ORC1: variants seen among roughly 807,000 people sequenced by gnomAD.
The protein encoded by ORC1 is origin recognition complex, subunit 1 homolog.
A neutral mutation model predicts 98.9 loss-of-function variants in ORC1; 61 were observed. The observed-to-expected ratio is 0.62, with a 90% CI of 0.50 to 0.76. The LOEUF (loss-of-function observed/expected upper bound fraction) is 0.76. Ranked by LOEUF, ORC1 falls within the 30% of genes least tolerant of loss-of-function variation. The pLI, the probability that ORC1 is intolerant of heterozygous loss-of-function variation, is 0.00. For missense variants in ORC1, 979 were observed against 1,072.2 expected (o/e 0.91, Z 1.21); for synonymous variants, 385 against 406.9 (o/e 0.95, Z 0.65).
upstream of ORC1, among the ~76,000 whole-genome samples, chr1:52,407,311 T>C (rs1463492828): frequency 1.3e-5 from 2 of 152,068 alleles, no homozygotes; most frequent in Admixed American, 1.3e-4. Context: ...CCACCGCCCC[T>C]GGCTGGAACG....
chr1:52,387,056 G>C (rs1050567983), intron 8 of ORC1, among the ~76,000 whole-genome samples: 3 of 152,154 alleles, frequency 2.0e-5, no homozygotes, highest in Non-Finnish European at 4.4e-5. Context: ...ATGGGCTTCT[G>C]CCCTTTTTTA....
chr1:52,401,510 A>C, intron 2 of ORC1, 21 bp from the exon 3 acceptor site: 2 of 1,613,492 alleles, frequency 1.2e-6, no homozygotes, highest in Non-Finnish European at 1.7e-6. Context: ...ACAGAGAAGC[A>C]CATTAGGAAA....
intron 1 of ORC1, 34 bp from the exon 2 acceptor site, chr1:52,402,262 T>G (rs746522468): frequency 2.7e-6 from 4 of 1,490,762 alleles, no homozygotes; most frequent in African/African-American, 1.4e-5. Flanking sequence ...GTTACCATGA[T>G]AAATATTTGG....
chr1:52,395,057 T>C (rs1647332206), intron 5 of ORC1, among the ~76,000 whole-genome samples: 1 of 152,150 alleles, frequency 6.6e-6, no homozygotes, highest in African/African-American at 2.4e-5. Flanking sequence ...TACTGTACTA[T>C]AGAGCTATCA....
upstream of ORC1, chr1:52,404,907 C>T (rs1368255711): frequency 1.6e-5 from 25 of 1,611,102 alleles, no homozygotes; most frequent in Non-Finnish European, 2.0e-5. Flanking sequence ...GAGCGCCTCT[C>T]AGCCCCCTTG....
At position 52,375,409 on chromosome 1, in the gene ORC1, T is replaced by C. The variant is rs768474906; in HGVS notation, c.2303+21A>G. 7.4e-6 allele frequency: 12 copies of C among 1,612,334 alleles called. No individual in the cohort carries two copies. The South Asian group carries it at 1.3e-4, about 18-fold the overall frequency. ...TGTTTCTACAGCCTTCCAGGAAGGC[T>C]CAGGAAGTGGAGCATCTTACTTGAT... is the stretch of plus-strand genomic sequence containing the variant. On this transcript the variant is annotated intron_variant, in intron 15 of 16. Transcript: ENST00000371568.
intron 6 of ORC1, among the ~76,000 whole-genome samples, chr1:52,391,853 G>A (rs1569939348): frequency 6.7e-6 from 1 of 148,804 alleles, no homozygotes; most frequent in South Asian, 2.1e-4. Context: ...AGCCAAGATC[G>A]CACCACTGCA....
intron 3 of ORC1, among the ~76,000 whole-genome samples, chr1:52,400,884 G>C (rs1013142664): frequency 2.0e-5 from 3 of 152,080 alleles, no homozygotes; most frequent in African/African-American, 7.2e-5. Context: ...AGTTCCTCTG[G>C]GTAAAATATC....
intron 6 of ORC1, 136 bp downstream of exon 6, chr1:52,393,307 G>A: frequency 1.7e-6 from 2 of 1,169,796 alleles, no homozygotes; most frequent in South Asian, 2.5e-5. Context: ...CTAGAAATCT[G>A]TATTTTAAGA....
intron 9 of ORC1, 67 bp from the exon 10 acceptor site, chr1:52,385,329 A>G: frequency 1.0e-6 from 1 of 997,042 alleles, no homozygotes. Context: ...CTACTCATTA[A>G]TCAATGGAAA....
At chr1:52,375,378 G>A (rs1306090196) in intron 15 of ORC1, 52 bp downstream of exon 15, 14 of 1,552,198 alleles carry the variant, frequency 9.0e-6, no homozygotes, top group Non-Finnish European at 8.9e-6. Flanking sequence ...CTTAGAAAGG[G>A]AAACATGTTT....
chr1:52,378,776 G>A (rs1470651824), intron 14 of ORC1, among the ~76,000 whole-genome samples: 1 of 152,124 alleles, frequency 6.6e-6, no homozygotes, highest in Non-Finnish European at 1.5e-5. Flanking sequence ...GCTCACGCCT[G>A]TAATCCCAGC....
intron 6 of ORC1, among the ~76,000 whole-genome samples, chr1:52,390,216 A>G (rs1647190904): frequency 6.6e-6 from 1 of 152,232 alleles, no homozygotes; most frequent in South Asian, 2.1e-4. Context: ...CATATGGACC[A>G]AAAAAGAAAG....
chr1:52,380,457 A>G (rs1647053697), intron 14 of ORC1, among the ~76,000 whole-genome samples: 1 of 152,242 alleles, frequency 6.6e-6, no homozygotes, highest in African/African-American at 2.4e-5. Context: ...GCACTTTGGG[A>G]GGCCAAGGTG....
upstream of ORC1, chr1:52,405,838 A>C: frequency 6.2e-7 from 1 of 1,613,850 alleles, no homozygotes; most frequent in Non-Finnish European, 8.5e-7. Flanking sequence ...TGAAGATTTC[A>C]AGTGAGTGCA....
rs755675689 is a variant in ORC1, at chr1:52,396,186, C to T, written c.581G>A (p.Ser194Asn). The change falls in exon 5 of 17, where the codon AGT (serine) becomes AAT (asparagine). Residue 194 changes from serine (S) to asparagine (N), a missense_variant. Ser to Asn is a conservative substitution (Grantham distance 46). Transcript: ENST00000371568. Reference sequence around the variant, plus strand: ...CCAAGAAGGGCTCTCTGCACTCTTACTCTTGGCTCTCACGGGTTTCTGGCA... The same window carrying T: ...CCAAGAAGGGCTCTCTGCACTCTTATTCTTGGCTCTCACGGGTTTCTGGCA... ...AKCQKPVRAK[S>N]KSAESPSWTP... 2 of 1,614,054 alleles carry T rather than the reference C, an allele frequency of 1.2e-6. No individual in the cohort carries two copies. Among genetic ancestry groups the T allele is most frequent in the Non-Finnish European group, 8.5e-7 (1 of 1,180,034 alleles).
intron 7 of ORC1, among the ~76,000 whole-genome samples, chr1:52,388,864 C>T (rs1259707398): frequency 6.6e-6 from 1 of 152,062 alleles, no homozygotes; most frequent in East Asian, 1.9e-4. Flanking sequence ...TGAGGAATTT[C>T]AGGCTTAGAA....
chr1:52,391,009 T>TA (rs1047727623), intron 6 of ORC1, among the ~76,000 whole-genome samples: 1 of 149,130 alleles, frequency 6.7e-6, no homozygotes, highest in African/African-American at 2.5e-5. Context: ...CCTGAAACCA[T>TA]AAAAAATCTA....
chr1:52,382,572 CTT>C (rs3049207), intron 13 of ORC1, among the ~76,000 whole-genome samples: 15,868 of 107,000 alleles, frequency 0.15, 1,376 homozygotes, highest in African/African-American at 0.42. Flanking sequence ...AGTGCTAAAA[CTT>C]TTTTTTTTTT....
Sources: gnomAD v4.1 joint callset for allele counts (sites outside exome capture counted in the v4.1 genomes callset) on GRCh38, gnomAD v4.1.1 for gene constraint, MANE v1.5 for transcripts, NCBI Gene and HGNC (gene_info 2026-07-23, HGNC 2026-07-21) for gene names.